NCK1: variants seen among roughly 807,000 people sequenced by gnomAD.
The protein encoded by NCK1 is NCK adaptor protein 1, also known as SH2/SH3 adapter protein NCK1.
NCK1 carries 19 observed loss-of-function variants against 36.6 expected under a neutral mutation model. The observed-to-expected ratio is 0.52, with a 90% confidence interval of 0.36 to 0.76. NCK1 has a LOEUF of 0.76. Among genes scored for constraint, NCK1 ranks in the 30% least tolerant of loss-of-function variants. The pLI, the probability that NCK1 is intolerant of heterozygous loss-of-function variation, is 0.00. For synonymous variants in NCK1, 165 were observed against 156.0 expected, an observed-to-expected ratio of 1.06 and a Z score of -0.43; for missense variants, 358 against 445.6, an observed-to-expected ratio of 0.80 and a Z score of 1.77.
intron 1 of NCK1, among the ~76,000 whole-genome samples, 179 bp downstream of exon 1, chr3:136,862,532 G>T (rs550841852): frequency 6.6e-6 from 1 of 152,368 alleles, no homozygotes; most frequent in East Asian, 1.9e-4. Flanking sequence ...GGAGGGTCCA[G>T]ACTTCTGCAC....
intron 1 of NCK1, among the ~76,000 whole-genome samples, chr3:136,883,639 A>G (rs1306852507): frequency 1.3e-5 from 2 of 152,164 alleles, no homozygotes; most frequent in African/African-American, 4.8e-5. Flanking sequence ...CCCTGCATTA[A>G]TTGGCCAGTG....
rs1938445627 is a variant in NCK1, at chr3:136,867,077, TTTC to T, written c.-19+4727_-19+4729del. Among the ~76,000 whole-genome samples, 5 of 1,394 alleles carry T rather than the reference TTTC, an allele frequency of 3.6e-3. 1 individual carries two copies. Among genetic ancestry groups the T allele is most frequent in the Admixed American group, 0.022 (3 of 136 alleles). 0.9% of individuals were successfully genotyped at this position (1,394 alleles called of 152,430 possible). A position where few individuals can be genotyped will look rare whatever the true frequency, so the allele number is the denominator to read the frequency against. On this transcript the variant is annotated intron_variant, in intron 1 of 3. Coordinates refer to ENST00000481752, the MANE Select transcript of NCK1 (RefSeq NM_001291999.2). ...CTTTCTTTCTTTCTTTCTTTCTTTC[TTTC>T]TTTCTTTCTTTCTTTCTTTCTTTCT...
intron 2 of NCK1, among the ~76,000 whole-genome samples, chr3:136,941,200 A>G (rs1321831280): frequency 2.8e-5 from 4 of 144,480 alleles, no homozygotes; most frequent in Non-Finnish European, 3.0e-5. Context: ...ATCTCTGCTC[A>G]CTGCAACCTC....
At position 136,946,063 on chromosome 3, in the gene NCK1, A is replaced by C. The variant is rs1275210532; in HGVS notation, c.707A>C (p.Asn236Thr). The change falls in exon 3 of 4, where the codon AAT (asparagine) becomes ACT (threonine). Residue 236 changes from asparagine to threonine, a missense_variant. Around this residue, in one of 3 missense-constraint regions of NCK1, gnomAD observed 207 missense variants for 253.4 expected, o/e 0.82. Transcript: ENST00000481752. ...GAGTGGTGGAAATGCAGGAAGATCA[A>C]TGGTATGGTTGGTCTAGTACCAAAA... ...DPEWWKCRKI[N>T]GMVGLVPKNY... 7 of 1,613,868 alleles carry C rather than the reference A, an allele frequency of 4.3e-6. No homozygotes were observed. Among genetic ancestry groups the C allele is most frequent in the Non-Finnish European group, 5.9e-6 (7 of 1,179,980 alleles).
chr3:136,951,029 G>T lies in NCK1; in HGVS notation c.*2576G>T, dbSNP rs1940958481. 6.6e-6 allele frequency among the ~76,000 whole-genome samples: 1 copy of T among 152,122 alleles called. No individual in the cohort carries two copies. The highest frequency in any genetic ancestry group is 2.1e-4 in the South Asian group (1 of 4,828). On this transcript the variant is annotated 3_prime_UTR_variant, in exon 4 of 4. Coordinates refer to ENST00000481752, the MANE Select transcript of NCK1 (RefSeq NM_001291999.2). ...ACTATACAGTTAACACATGCACCTT[G>T]CACTATTAGTGACAAATAATACTGC...
chr3:136,924,318 G>C (rs538448438), intron 1 of NCK1, among the ~76,000 whole-genome samples: 1 of 152,146 alleles, frequency 6.6e-6, no homozygotes, highest in Non-Finnish European at 1.5e-5. Context: ...TAGGAGATAG[G>C]GGGGATAGAG....
rs1192958140 is a variant in NCK1 at position 136,948,496 on chromosome 3, A to G, written c.*43A>G. On this transcript the variant is annotated 3_prime_UTR_variant, in exon 4 of 4. Coordinates refer to ENST00000481752, the MANE Select transcript of NCK1 (RefSeq NM_001291999.2). ...GACTGCTGTGTAGCTGTAATTTGTCATGTAATTGAAGACTGAGAAAATGTT... is the reference window on the plus strand; with the variant it reads ...GACTGCTGTGTAGCTGTAATTTGTCGTGTAATTGAAGACTGAGAAAATGTT... 6.5e-7 allele frequency: 1 copy of G among 1,542,108 alleles called. No homozygotes were observed. The highest frequency in any genetic ancestry group is 1.8e-5 in the Admixed American group (1 of 54,830).
At chr3:136,922,242 AC>A (rs1250182606) in intron 1 of NCK1, among the ~76,000 whole-genome samples, 1 of 152,228 alleles carries the variant, frequency 6.6e-6, no homozygotes, top group East Asian at 1.9e-4. Flanking sequence ...CTCGCCAGGG[AC>A]TGGGAACAAA....
At chr3:136,901,858 T>C (rs868238151) in intron 1 of NCK1, among the ~76,000 whole-genome samples, 1 of 152,148 alleles carries the variant, frequency 6.6e-6, no homozygotes, top group Non-Finnish European at 1.5e-5. Context: ...AAAAAAGTCG[T>C]TTCATTTAGT....
chr3:136,869,259 T>G (rs1938537886), intron 1 of NCK1, among the ~76,000 whole-genome samples: 1 of 151,094 alleles, frequency 6.6e-6, no homozygotes, highest in Non-Finnish European at 1.5e-5. Context: ...AAAATTTTAT[T>G]TGTTCCGCTA....
chr3:136,947,175 G>A (rs954621462), intron 3 of NCK1: 2 of 152,164 alleles, frequency 1.3e-5, no homozygotes, highest in African/African-American at 4.8e-5. Flanking sequence ...AGGAAAATGG[G>A]GCCTGTGCCT....
At chr3:136,931,015 T>C (rs1253524080) in intron 2 of NCK1, among the ~76,000 whole-genome samples, 1 of 152,124 alleles carries the variant, frequency 6.6e-6, no homozygotes, top group Non-Finnish European at 1.5e-5. Context: ...CTTACTTTTT[T>C]TTTAGCGGAA....
At chr3:136,890,416 TCTG>T (rs1340949641) in intron 1 of NCK1, among the ~76,000 whole-genome samples, 3 of 152,236 alleles carry the variant, frequency 2.0e-5, no homozygotes, top group South Asian at 2.1e-4. Flanking sequence ...GGGAGCAGGC[TCTG>T]CCCTTGGCCA....
chr3:136,907,345 A>G (rs1406400183), intron 1 of NCK1, among the ~76,000 whole-genome samples: 1 of 152,064 alleles, frequency 6.6e-6, no homozygotes, highest in African/African-American at 2.4e-5. Context: ...CGGGCATGAC[A>G]AAGTCTGGTG....
At chr3:136,876,533 A>T (rs918738807) in intron 1 of NCK1, among the ~76,000 whole-genome samples, 4 of 152,080 alleles carry the variant, frequency 2.6e-5, no homozygotes, top group Non-Finnish European at 4.4e-5. Flanking sequence ...TTTTATGAAC[A>T]TCCTTCCGTG....
At chr3:136,931,005 C>T (rs1940376651) in intron 2 of NCK1, among the ~76,000 whole-genome samples, 1 of 150,390 alleles carries the variant, frequency 6.6e-6, no homozygotes, top group Non-Finnish European at 1.5e-5. Context: ...CTACTTTTTG[C>T]TTACTTTTTT....
chr3:136,879,608 C>T (rs1938872525), intron 1 of NCK1, among the ~76,000 whole-genome samples: 1 of 152,112 alleles, frequency 6.6e-6, no homozygotes, highest in South Asian at 2.1e-4. Context: ...TTGGAACCAA[C>T]CCAAATGTCC....
intron 1 of NCK1, among the ~76,000 whole-genome samples, chr3:136,865,810 C>A (rs1422312672): frequency 1.3e-5 from 2 of 152,194 alleles, no homozygotes; most frequent in Non-Finnish European, 2.9e-5. Flanking sequence ...ACCTTAAACT[C>A]TAATGAAGAT....
chr3:136,880,386 T>G (rs1171541170), intron 1 of NCK1, among the ~76,000 whole-genome samples: 1 of 151,988 alleles, frequency 6.6e-6, no homozygotes, highest in Non-Finnish European at 1.5e-5. Context: ...CACCATGACT[T>G]CGGGCCTTTT....
Sources: allele counts gnomAD v4.1 joint callset (sites outside exome capture counted in the v4.1 genomes callset), GRCh38; gene constraint gnomAD v4.1.1; regional missense constraint gnomAD v4.1.1; transcripts MANE v1.5; gene names NCBI Gene and HGNC (gene_info 2026-07-23, HGNC 2026-07-21).